NUP88: variants seen among roughly 807,000 people sequenced by gnomAD.
NUP88 encodes nuclear pore complex protein Nup88.
Under a neutral mutation model 93.9 loss-of-function variants are expected in NUP88, and 57 were observed. The observed-to-expected ratio is 0.61, with a 90% CI of 0.49 to 0.76. The LOEUF (loss-of-function observed/expected upper bound fraction) is 0.76, where lower values mean the gene tolerates loss of function less well. Ranked by LOEUF, NUP88 falls within the 30% of genes least tolerant of loss-of-function variation. The pLI, the probability that NUP88 is intolerant of heterozygous loss-of-function variation, is 0.00. For missense variants in NUP88, 911 were observed against 901.0 expected, an observed-to-expected ratio of 1.01 and a Z score of -0.14; for synonymous variants, 346 against 336.8, an observed-to-expected ratio of 1.03 and a Z score of -0.30.
rs1162244515 is a variant in NUP88, at chr17:5,385,003, C to G, written c.*1203G>C. On this transcript the variant is annotated 3_prime_UTR_variant, in exon 17 of 17. Transcript: ENST00000573584. Reference sequence around the variant, plus strand: ...CCTTTCTGAACTGACTGAACTAGAGCTTGCAGTGAAGTGTTCTGCTGAGAC... The same window carrying G: ...CCTTTCTGAACTGACTGAACTAGAGGTTGCAGTGAAGTGTTCTGCTGAGAC... The G allele has an allele frequency of 1.3e-5, 3 of 228,752 alleles. No homozygotes were observed. The highest frequency in any genetic ancestry group is 2.6e-5 in the Non-Finnish European group (3 of 115,474). 14.2% of individuals were successfully genotyped at this position (228,752 alleles called of 1,614,324 possible).
intron 7 of NUP88, among the ~76,000 whole-genome samples, chr17:5,400,154 AAAAG>A (rs1464870247): frequency 1.1e-4 from 17 of 150,958 alleles, no homozygotes; most frequent in Non-Finnish European, 2.4e-4. Flanking sequence ...AAAAAAAAAA[AAAAG>A]CACTGTGAAC....
At chr17:5,403,587 G>C (rs1195100984) in intron 7 of NUP88, among the ~76,000 whole-genome samples, 3 of 152,194 alleles carry the variant, frequency 2.0e-5, no homozygotes. Flanking sequence ...TTGAACCTGG[G>C]AGATGGAGGT....
chr17:5,388,325 G>C (rs535308432), intron 11 of NUP88: 1 of 149,046 alleles, frequency 6.7e-6, no homozygotes, highest in Non-Finnish European at 1.4e-5. Flanking sequence ...TCTCACTGTC[G>C]CCCAGGCTGG....
chr17:5,403,959 G>T (rs1312161013), intron 7 of NUP88, 140 bp downstream of exon 7: 8 of 781,364 alleles, frequency 1.0e-5, no homozygotes, highest in Non-Finnish European at 9.9e-6. Flanking sequence ...GTGTACTATA[G>T]TGACTAAAAA....
intron 11 of NUP88, 38 bp from the exon 12 acceptor site, chr17:5,387,942 G>A (rs1332171117): frequency 1.9e-6 from 3 of 1,562,324 alleles, no homozygotes; most frequent in Non-Finnish European, 2.6e-6. Context: ...TTCCTTAGCT[G>A]AGTAAAACAA....
Position 5,414,096 on chromosome 17 carries a change from G to A in NUP88, c.506C>T (p.Thr169Ile), listed in dbSNP as rs760443837. Residue 169 changes from threonine (T) to isoleucine (I), a missense_variant, in exon 3 of 17, where the codon ACC becomes ATC. Thr to Ile is a moderately conservative substitution (Grantham distance 89). Transcript: ENST00000573584. ...TGCAGCATGCTTTAGAGTCAGAGAG[G>A]TGGAACTGGTGAAAAATCTCTCCGC... ...PVAERFFTSS[T>I]SLTLKHAAWY... is the part of the protein sequence containing the mutation. The A allele has an allele frequency of 6.2e-7, 1 of 1,613,596 alleles. No homozygotes were observed. Among genetic ancestry groups the A allele is most frequent in the Non-Finnish European group, 8.5e-7 (1 of 1,179,536 alleles).
chr17:5,419,471 C>A lies in NUP88; in HGVS notation c.180G>T (p.Val60=). 1 of 1,614,078 alleles carries A rather than the reference C, an allele frequency of 6.2e-7. No individual in the cohort carries two copies. Among genetic ancestry groups the A allele is most frequent in the Non-Finnish European group, 8.5e-7 (1 of 1,179,974 alleles). The change falls in exon 1 of 17, where the codon GTG becomes GTT. Residue 60 remains valine, a synonymous_variant. Coordinates refer to ENST00000573584, the MANE Select transcript of NUP88 (RefSeq NM_002532.6). ...AAAGCTCTCCGCCGAGGCCAAAGAC[C>A]ACGTTTCTCGTCAGCAACTGCGGCG... ...SPPPQLLTRN[V]VFGLGGELFL...
chr17:5,402,319 C>T (rs202084163), intron 7 of NUP88, among the ~76,000 whole-genome samples: 2 of 148,042 alleles, frequency 1.4e-5, no homozygotes, highest in East Asian at 2.1e-4. Flanking sequence ...AAAAAAAAAA[C>T]AAAAAACAAA....
chr17:5,396,503 A>G (rs931669624), intron 8 of NUP88, among the ~76,000 whole-genome samples: 3 of 152,236 alleles, frequency 2.0e-5, no homozygotes, highest in African/African-American at 7.2e-5. Context: ...TCTGTTGTAT[A>G]GACACACCAC....
intron 4 of NUP88, 143 bp downstream of exon 4, chr17:5,410,560 T>TACTAAAAATACA: frequency 1.6e-6 from 1 of 608,276 alleles, no homozygotes; most frequent in Non-Finnish European, 2.9e-6. Flanking sequence ...GACGAATCCC[T>TACTAAAAATACA]GTTCTACTAA....
chr17:5,388,311 C>T (rs1419200264), intron 11 of NUP88: 3 of 110,496 alleles, frequency 2.7e-5, no homozygotes, highest in Non-Finnish European at 5.2e-5. Flanking sequence ...TAACTTGAGA[C>T]GAGTCTCACT....
chr17:5,388,674 T>C (rs769201446), intron 11 of NUP88, 128 bp downstream of exon 11: 373 of 800,586 alleles, frequency 4.7e-4, no homozygotes, highest in Non-Finnish European at 6.2e-4. Context: ...TGATCAAATA[T>C]ATCCAGTTTC....
At chr17:5,394,852 C>T (rs771691521) in intron 9 of NUP88, 39 bp downstream of exon 9, 7 of 1,337,352 alleles carry the variant, frequency 5.2e-6, no homozygotes, top group Non-Finnish European at 4.3e-6. Context: ...CTGAAATGAA[C>T]AATTGTTTTC....
intron 7 of NUP88, among the ~76,000 whole-genome samples, chr17:5,400,393 G>C (rs550589918): frequency 4.2e-4 from 64 of 151,968 alleles, no homozygotes; most frequent in Middle Eastern, 3.4e-3. Context: ...CTACTCGGGA[G>C]GCTGAGGCAG....
intron 5 of NUP88, 74 bp from the exon 6 acceptor site, chr17:5,405,317 C>T: frequency 7.8e-7 from 1 of 1,274,334 alleles, no homozygotes; most frequent in African/African-American, 1.5e-5. Context: ...CATTCTTTGA[C>T]TTTGTTTTCC....
chr17:5,396,664 A>G (rs1344257252), intron 8 of NUP88, among the ~76,000 whole-genome samples: 2 of 152,238 alleles, frequency 1.3e-5, no homozygotes, highest in Non-Finnish European at 2.9e-5. Flanking sequence ...CTGGACTATC[A>G]GGTACATGGT....
rs540920993 is a variant in NUP88, at chr17:5,396,878, G to T, written c.1292-1897C>A. Among the ~76,000 whole-genome samples the T allele has an allele frequency of 9.2e-5, 14 of 152,178 alleles. No individual in the cohort carries two copies. The South Asian group carries it at 2.7e-3, about 29-fold the overall frequency. On this transcript the variant is annotated intron_variant, in intron 8 of 16. Transcript: ENST00000573584. ...TTTTGTGGTATCTTATTTCCATAAT[G>T]ACTAATAATGTTGTACATCTTTTTA...
At chr17:5,416,158 A>AGTATATCTCT (rs1398677145) in intron 2 of NUP88, among the ~76,000 whole-genome samples, 1 of 94,040 alleles carries the variant, frequency 1.1e-5, no homozygotes, top group Non-Finnish European at 2.0e-5. Context: ...AAAAAAAAAA[A>AGTATATCTCT]AAAAAAAAGT....
chr17:5,385,835 T>A lies in NUP88; in HGVS notation c.*371A>T. Reference sequence around the variant, plus strand: ...ACACTGTGTGGTCTTCTCCTTTGAATCCTAGGGTTCTATCCCTCTTCAGAG... The same window carrying A: ...ACACTGTGTGGTCTTCTCCTTTGAAACCTAGGGTTCTATCCCTCTTCAGAG... On this transcript the variant is annotated 3_prime_UTR_variant, in exon 17 of 17. Transcript: ENST00000573584. 3.9e-6 allele frequency: 1 copy of A among 255,920 alleles called. No individual in the cohort carries two copies. The highest frequency in any genetic ancestry group is 5.8e-5 in the East Asian group (1 of 17,174). The allele number at this position is 255,920 out of a possible 1,614,324, so 15.9% of individuals were successfully genotyped here.
Sources: gnomAD v4.1 joint callset for allele counts (sites outside exome capture counted in the v4.1 genomes callset) on GRCh38, gnomAD v4.1.1 for gene constraint, MANE v1.5 for transcripts, NCBI Gene and HGNC (gene_info 2026-07-23, HGNC 2026-07-21) for gene names.